Variants in ARK2C observed in about 807,000 individuals in gnomAD.
ARK2C encodes the protein E3 ubiquitin-protein ligase ARK2C.
At chr18:46,459,621 C>G in the ARK2C span, 1 of 152,466 alleles carries the variant, frequency 6.6e-6, no homozygotes, top group Non-Finnish European at 1.5e-5. Flanking sequence ...CCTTCCCCCA[C>G]AGATGGGGAC....
chr18:46,349,376 C>A, the ARK2C span, among the ~76,000 whole-genome samples: 1 of 152,182 alleles, frequency 6.6e-6, no homozygotes, highest in African/African-American at 2.4e-5. Flanking sequence ...CCTCTGGGGC[C>A]TCTTTTATAA....
the ARK2C span, among the ~76,000 whole-genome samples, chr18:46,364,428 T>G: frequency 6.7e-6 from 1 of 149,366 alleles, no homozygotes; most frequent in African/African-American, 2.5e-5. Context: ...AGCTCTAAAG[T>G]CGTAGAACAC....
chr18:46,432,899 C>T, the ARK2C span, among the ~76,000 whole-genome samples: 3 of 152,264 alleles, frequency 2.0e-5, no homozygotes, highest in South Asian at 2.1e-4. Flanking sequence ...GAGCCGAGAT[C>T]GCGCCACTGC....
At chr18:46,433,477 C>G in the ARK2C span, 1 of 1,611,566 alleles carries the variant, frequency 6.2e-7, no homozygotes, top group Non-Finnish European at 8.5e-7. Context: ...CCTGGAAGCC[C>G]AGCACCGCAG....
At chr18:46,462,077 G>A in the ARK2C span, 6 of 152,304 alleles carry the variant, frequency 3.9e-5, no homozygotes, top group Admixed American at 1.3e-4. Flanking sequence ...TCCTCTGTGC[G>A]TCTCCCTCTG....
the ARK2C span, among the ~76,000 whole-genome samples, chr18:46,396,970 G>A: frequency 9.2e-3 from 1,400 of 152,322 alleles, 12 homozygotes; most frequent in Middle Eastern, 0.02. Context: ...AAGCCCAATC[G>A]CTCTGGAAGG....
the ARK2C span, among the ~76,000 whole-genome samples, chr18:46,343,911 C>G: frequency 6.6e-5 from 10 of 152,332 alleles, no homozygotes; most frequent in African/African-American, 2.4e-4. Flanking sequence ...TCCTTGACCC[C>G]GAGCTCAAGG....
the ARK2C span, among the ~76,000 whole-genome samples, chr18:46,428,200 G>A: frequency 6.6e-6 from 1 of 152,076 alleles, no homozygotes; most frequent in South Asian, 2.1e-4. Flanking sequence ...CACGAGGTCA[G>A]GAGATCAAGA....
the ARK2C span, among the ~76,000 whole-genome samples, chr18:46,358,971 A>G: frequency 6.6e-6 from 1 of 152,120 alleles, no homozygotes; most frequent in Non-Finnish European, 1.5e-5. Context: ...CCCTTTGTCC[A>G]TGCCACTGTG....
chr18:46,387,257 C>T, the ARK2C span, among the ~76,000 whole-genome samples: 2 of 152,194 alleles, frequency 1.3e-5, no homozygotes, highest in African/African-American at 2.4e-5. Context: ...AACCAGGCCC[C>T]ACCTCCAGAG....
chr18:46,348,456 G>A, the ARK2C span, among the ~76,000 whole-genome samples: 1 of 152,176 alleles, frequency 6.6e-6, no homozygotes, highest in Non-Finnish European at 1.5e-5. Context: ...TAAGGGCTGA[G>A]GGTACAAGAA....
chr18:46,345,916 G>T, the ARK2C span, among the ~76,000 whole-genome samples: 1 of 152,190 alleles, frequency 6.6e-6, no homozygotes, highest in Non-Finnish European at 1.5e-5. Context: ...AGAGCTTGGG[G>T]ACCCAAGTTG....
chr18:46,351,255 C>G, the ARK2C span, among the ~76,000 whole-genome samples: 1 of 152,192 alleles, frequency 6.6e-6, no homozygotes. Flanking sequence ...TACAGAGTCA[C>G]CACCTCTGTG....
At chr18:46,389,871 G>C in the ARK2C span, among the ~76,000 whole-genome samples, 42 of 152,236 alleles carry the variant, frequency 2.8e-4, no homozygotes, top group African/African-American at 1.0e-3. Context: ...TGGGACTATA[G>C]GCACGTGCCA....
chr18:46,383,851 A>G, the ARK2C span, among the ~76,000 whole-genome samples: 16 of 152,126 alleles, frequency 1.1e-4, no homozygotes, highest in South Asian at 2.1e-4. Context: ...GCGCCCGGCC[A>G]CCATGTTGGT....
chr18:46,442,033 C>T, the ARK2C span, among the ~76,000 whole-genome samples: 12 of 138,356 alleles, frequency 8.7e-5, no homozygotes, highest in African/African-American at 3.0e-4. Flanking sequence ...CATGGTGGCG[C>T]GCGCCTGTAG....
At chr18:46,459,004 A>G in the ARK2C span, 157 of 152,402 alleles carry the variant, frequency 1.0e-3, no homozygotes, top group African/African-American at 3.5e-3. Context: ...ACTGATAGCC[A>G]CAGGAAGTTG....
At chr18:46,462,938 T>C in the ARK2C span, 2 of 152,286 alleles carry the variant, frequency 1.3e-5, no homozygotes, top group African/African-American at 4.8e-5. Flanking sequence ...TGCTGTTCTG[T>C]TCTGTTGTGC....
the ARK2C span, among the ~76,000 whole-genome samples, chr18:46,429,990 C>T: frequency 2.0e-5 from 3 of 152,168 alleles, no homozygotes; most frequent in Non-Finnish European, 4.4e-5. Flanking sequence ...CAGATCTCCT[C>T]CCAGAGTCCC....
Sources: gnomAD v4.1 joint callset for allele counts (sites outside exome capture counted in the v4.1 genomes callset) on GRCh38, gnomAD v4.1.1 for gene constraint, MANE v1.5 for transcripts, NCBI Gene and HGNC (gene_info 2026-07-23, HGNC 2026-07-21) for gene names.